The following BAHCC1 variants were observed in gnomAD, a reference collection of about 807,000 sequenced individuals.
BAHCC1 encodes the protein BAH and coiled-coil domain-containing protein 1.
Under a neutral mutation model 88.2 loss-of-function variants are expected in BAHCC1, and 43 were observed. That is an observed-to-expected ratio of 0.49 (90% CI 0.38 to 0.63). The LOEUF is 0.63. BAHCC1 is among the 20% of genes least tolerant of loss of function. BAHCC1 has a pLI of 0.00. For synonymous variants in BAHCC1, 1,510 were observed against 745.5 expected, an observed-to-expected ratio of 2.03 and a Z score of -16.71; for missense variants, 3,023 against 1,654.8, an observed-to-expected ratio of 1.83 and a Z score of -14.34.
chr17:81,429,941 G>A (rs1174422909), intron 3 of BAHCC1, among the ~76,000 whole-genome samples: 2 of 152,202 alleles, frequency 1.3e-5, no homozygotes, highest in African/African-American at 4.8e-5. Context: ...TGGGGGTGCA[G>A]CAGAGGCAGC....
At chr17:81,438,242 C>A in intron 3 of BAHCC1, 128 bp from the exon 4 acceptor site, 1 of 662,528 alleles carries the variant, frequency 1.5e-6, no homozygotes, top group South Asian at 1.7e-5. Flanking sequence ...CCCCCGGCGG[C>A]TGCGTGCTGG....
At chr17:81,407,869 A>G (rs2063900509) in intron 2 of BAHCC1, among the ~76,000 whole-genome samples, 1 of 152,202 alleles carries the variant, frequency 6.6e-6, no homozygotes, top group South Asian at 2.1e-4. Context: ...CACTGTTCAC[A>G]ACTGGCCCAC....
chr17:81,451,282 C>G (rs1352832733), intron 11 of BAHCC1: 1 of 217,030 alleles, frequency 4.6e-6, no homozygotes, highest in Middle Eastern at 6.8e-4. Context: ...TCTGAGGGCC[C>G]CAGAGTATCC....
Position 81,460,909 on chromosome 17 carries a change from G to A in BAHCC1, c.6246G>A (p.Gly2082=), listed in dbSNP as rs1555659037. The change falls in exon 26 of 28, where the codon GGG becomes GGA. Residue 2082 remains glycine (G), a synonymous_variant. Coordinates refer to ENST00000675386, the MANE Select transcript of BAHCC1 (RefSeq NM_001377448.1). The part of the protein sequence containing the change: ...LLTSGAKSPT[G]ASDHFLGRRG... The stretch of plus-strand genomic sequence containing the variant: ...CCTCAGGTGCCAAATCCCCCACGGG[G>A]GCCTCCGACCACTTCCTGGGCCGCC... The A allele has an allele frequency of 2.6e-6, 2 of 767,930 alleles. No homozygotes were observed. The highest frequency in any genetic ancestry group is 2.4e-6 in the Non-Finnish European group (1 of 417,896). 47.6% of individuals were successfully genotyped at this position (767,930 alleles called of 1,614,324 possible).
intron 2 of BAHCC1, among the ~76,000 whole-genome samples, chr17:81,421,678 C>T (rs1203509185): frequency 6.6e-6 from 1 of 152,192 alleles, no homozygotes; most frequent in Non-Finnish European, 1.5e-5. Flanking sequence ...CCCCTGCTCA[C>T]GGGGCAAGGG....
intron 2 of BAHCC1, among the ~76,000 whole-genome samples, chr17:81,425,526 T>C (rs2064176449): frequency 1.0e-5 from 1 of 97,282 alleles, no homozygotes; most frequent in Non-Finnish European, 1.9e-5. Flanking sequence ...TGGTGGGTGA[T>C]GTGGTTGGTG....
chr17:81,415,139 G>T (rs994204973), intron 2 of BAHCC1, among the ~76,000 whole-genome samples: 2 of 152,236 alleles, frequency 1.3e-5, no homozygotes, highest in Non-Finnish European at 2.9e-5. Context: ...GGGAGCTGGA[G>T]GAGGGCACCT....
chr17:81,407,050 C>T (rs2063889770), intron 2 of BAHCC1: 6 of 451,924 alleles, frequency 1.3e-5, no homozygotes, highest in Non-Finnish European at 2.7e-5. Flanking sequence ...AGTCCAGTGT[C>T]TTGAGATGCG....
Position 81,399,052 on chromosome 17 carries a change from A to G in BAHCC1, c.-206-482A>G. The G allele has an allele frequency of 6.0e-6, 1 of 167,434 alleles. No homozygotes were observed. Among genetic ancestry groups the G allele is most frequent in the South Asian group, 8.1e-5 (1 of 12,330 alleles). The allele number at this position is 167,434 out of a possible 1,614,324, so 10.4% of individuals were successfully genotyped here. A position where few individuals can be genotyped will look rare whatever the true frequency, so the allele number is the denominator to read the frequency against. On this transcript the variant is annotated intron_variant, in intron 1 of 27. Transcript: ENST00000675386. This position sits in a 1 kb window ranked among gnomAD's most constrained non-coding sequence, Gnocchi z 4.5. ...CTCGGCATGAGGTGGGGAGAGGGGG[A>G]GAGCTAGTGTGGACCCCAGGCCTTT...
chr17:81,419,539 C>T (rs1434267125), intron 2 of BAHCC1, among the ~76,000 whole-genome samples: 3 of 152,194 alleles, frequency 2.0e-5, no homozygotes, highest in Admixed American at 6.5e-5. Context: ...TCCTGGTGTC[C>T]CCCGCCTGGG....
At position 81,461,240 on chromosome 17, in the gene BAHCC1, G is replaced by A; in HGVS notation, c.6577G>A (p.Glu2193Lys). 4.2e-6 allele frequency: 3 copies of A among 711,852 alleles called. No individual in the cohort carries two copies. Among genetic ancestry groups the A allele is most frequent in the Non-Finnish European group, 7.8e-6 (3 of 386,678 alleles). The allele number at this position is 711,852 out of a possible 1,614,324, so 44.1% of individuals were successfully genotyped here. Residue 2193 changes from glutamate to lysine, a missense_variant, in exon 26 of 28, where the codon GAG (glutamate) becomes AAG (lysine). Coordinates refer to ENST00000675386, the MANE Select transcript of BAHCC1 (RefSeq NM_001377448.1). ...GCGGGCTAAGAAGGCCGAGAGGGTG[G>A]AGGCCGAGAAGGGTGGGCGGCGGCG... is the stretch of plus-strand genomic sequence containing the variant. ...LLRAKKAERV[E>K]AEKGGRRRAG... is the part of the protein sequence containing the mutation.
rs201803374 is a variant in BAHCC1, at chr17:81,445,445, C to A, written c.2927C>A (p.Thr976Lys). 1.3e-6 allele frequency: 1 copy of A among 766,662 alleles called. No homozygotes were observed. The highest frequency in any genetic ancestry group is 1.4e-5 in the South Asian group (1 of 72,200). The allele number at this position is 766,662 out of a possible 1,614,324, so 47.5% of individuals were successfully genotyped here. A position where few individuals can be genotyped will look rare whatever the true frequency, so the allele number is the denominator to read the frequency against. The change falls in exon 10 of 28, where the codon ACG becomes AAG. Residue 976 changes from threonine (T) to lysine (K), a missense_variant. Physicochemically the swap from Thr to Lys is moderately conservative, Grantham distance 78. Transcript: ENST00000675386. ...STHKPVALTP[T>K]APGAPSPAAG... is the part of the protein sequence containing the mutation. ...CACAAGCCAGTTGCCTTAACCCCCA[C>A]GGCCCCGGGCGCCCCCTCACCCGCT...
chr17:81,441,533 GCT>G lies in BAHCC1; in HGVS notation c.482-296_482-295del, dbSNP rs1568016516. On this transcript the variant is annotated intron_variant, in intron 4 of 27. Transcript: ENST00000675386. ...AAAAGTTAGCTGGGCCTGGTGGCGG[GCT>G]CCTGTAGTCCCAGCTACTCGGGAGG... 7.9e-5 allele frequency among the ~76,000 whole-genome samples: 12 copies of G among 152,176 alleles called. No individual in the cohort carries two copies. The East Asian group carries it at 2.1e-3, about 27-fold the overall frequency.
At chr17:81,437,685 A>G (rs2064355007) in intron 3 of BAHCC1, among the ~76,000 whole-genome samples, 1 of 152,084 alleles carries the variant, frequency 6.6e-6, no homozygotes, top group Non-Finnish European at 1.5e-5. Flanking sequence ...GCCTTGAGGG[A>G]CAGACAGACC....
Position 81,444,396 on chromosome 17 carries a change from C to T in BAHCC1, c.2340C>T (p.Arg780=), listed in dbSNP as rs199574150. ...RELLLQDSKD[R]VEFARIHPPS... ...GGTCTTACAGGGACAGCAAAGACCGCGTAGAGTTCGCCCGGATCCACCCAC... is the reference window on the plus strand; with the variant it reads ...GGTCTTACAGGGACAGCAAAGACCGTGTAGAGTTCGCCCGGATCCACCCAC... The change falls in exon 7 of 28, where the codon CGC becomes CGT. Residue 780 remains arginine, a synonymous_variant. Coordinates refer to ENST00000675386, the MANE Select transcript of BAHCC1 (RefSeq NM_001377448.1). 1.1e-5 allele frequency: 8 copies of T among 743,924 alleles called. No homozygotes were observed. The highest frequency in any genetic ancestry group is 3.4e-5 in the African/African-American group (2 of 58,140). 46.1% of individuals were successfully genotyped at this position (743,924 alleles called of 1,614,324 possible).
chr17:81,432,234 G>C (rs1351857996), intron 3 of BAHCC1, among the ~76,000 whole-genome samples: 1 of 152,156 alleles, frequency 6.6e-6, no homozygotes, highest in Non-Finnish European at 1.5e-5. Context: ...GACATCCCTG[G>C]ATCTGACCGA....
At chr17:81,417,170 A>G (rs1421185405) in intron 2 of BAHCC1, among the ~76,000 whole-genome samples, 2 of 152,114 alleles carry the variant, frequency 1.3e-5, no homozygotes, top group East Asian at 3.9e-4. Context: ...TGCCCCTGAC[A>G]TCTTCACCGG....
rs564281052 is a variant in BAHCC1 at position 81,441,277 on chromosome 17, C to T, written c.482-554C>T. On this transcript the variant is annotated intron_variant, in intron 4 of 27. Transcript: ENST00000675386. ...GCCATGGATGCTCGTGACGGCTGCA[C>T]GGCAGGGGGAGTGTGCCCAGTGCCC... is the stretch of plus-strand genomic sequence containing the variant. Among the ~76,000 whole-genome samples the T allele has an allele frequency of 3.0e-4, 46 of 152,242 alleles. No homozygotes were observed. The South Asian group carries it at 8.1e-3, about 27-fold the overall frequency.
At chr17:81,438,233 C>A in intron 3 of BAHCC1, 137 bp from the exon 4 acceptor site, 1 of 647,954 alleles carries the variant, frequency 1.5e-6, no homozygotes, top group Non-Finnish European at 2.8e-6. Flanking sequence ...GTTGATTTCC[C>A]CCCGGCGGCT....
Sources: gnomAD v4.1 joint callset for allele counts (sites outside exome capture counted in the v4.1 genomes callset) on GRCh38, gnomAD v4.1.1 for gene constraint, Gnocchi (gnomAD v3.1) non-coding constraint, MANE v1.5 for transcripts, NCBI Gene and HGNC (gene_info 2026-07-23, HGNC 2026-07-21) for gene names.